Variants in OPCML observed in about 807,000 individuals in gnomAD.
The protein encoded by OPCML is opioid binding protein/cell adhesion molecule like.
OPCML carries 13 observed loss-of-function variants against 37.8 expected under a neutral mutation model. That is an observed-to-expected ratio of 0.34 (90% confidence interval 0.22 to 0.55). OPCML has a LOEUF of 0.55. OPCML is among the 20% of genes least tolerant of loss of function. The pLI, the probability that OPCML is intolerant of heterozygous loss-of-function variation, is 0.91. For missense variants in OPCML, 341 were observed against 435.6 expected, an observed-to-expected ratio of 0.78 and a Z score of 1.93; for synonymous variants, 176 against 168.8, an observed-to-expected ratio of 1.04 and a Z score of -0.33.
rs1939060647 is a variant in OPCML at position 133,206,338 on chromosome 11, C to A, written c.62-263328G>T. ...TCTTTCTTAGAGACATTGATGAGTT[C>A]AGTTCTGTATCTACTACCACGTAGC... On this transcript the variant is annotated intron_variant, in intron 1 of 7. Coordinates refer to ENST00000524381, the MANE Select transcript of OPCML (RefSeq NM_001012393.5). The surrounding 1 kb of genome is among the most constrained non-coding windows in gnomAD (Gnocchi z 4.7). 1.3e-5 allele frequency among the ~76,000 whole-genome samples: 2 copies of A among 152,178 alleles called. No individual in the cohort carries two copies. Among genetic ancestry groups the A allele is most frequent in the Admixed American group, 1.3e-4 (2 of 15,278 alleles).
At position 132,827,464 on chromosome 11, in the gene OPCML, T is replaced by A. The variant is rs145121099; in HGVS notation, c.146+115462A>T. 6.6e-3 allele frequency among the ~76,000 whole-genome samples: 999 copies of A among 152,298 alleles called. 8 individuals carry two copies. The highest frequency in any genetic ancestry group is 0.023 in the African/African-American group (945 of 41,562). On this transcript the variant is annotated intron_variant, in intron 2 of 7. Transcript: ENST00000524381. The stretch of plus-strand genomic sequence containing the variant: ...AACTCTCATTCATTGCTGATGGGAA[T>A]GCAAAATGGCACTGCCATTTTGGGA...
intron 2 of OPCML, among the ~76,000 whole-genome samples, chr11:132,700,854 T>A (rs1456714020): frequency 6.6e-6 from 1 of 152,200 alleles, no homozygotes; most frequent in Admixed American, 6.5e-5. Context: ...TCTGTCTGGA[T>A]GATCTATCTA....
intron 1 of OPCML, among the ~76,000 whole-genome samples, chr11:133,153,885 G>C (rs141124933): frequency 9.2e-5 from 14 of 152,286 alleles, no homozygotes; most frequent in African/African-American, 3.4e-4. Context: ...GAGTTCCCTT[G>C]CTGAGATGCA....
chr11:133,042,587 C>T (rs1035944295), intron 1 of OPCML, among the ~76,000 whole-genome samples: 1 of 152,196 alleles, frequency 6.6e-6, no homozygotes, highest in Admixed American at 6.5e-5. Context: ...AGTTCCCACA[C>T]TGGCTTCCTG....
intron 2 of OPCML, chr11:132,860,517 C>T (rs994900925): frequency 6.6e-6 from 1 of 152,120 alleles, no homozygotes; most frequent in Non-Finnish European, 1.5e-5. Context: ...GGCCTGTCCC[C>T]CGAAGGCCTG....
At chr11:133,169,602 G>A (rs1950260550) in intron 1 of OPCML, among the ~76,000 whole-genome samples, 1 of 152,124 alleles carries the variant, frequency 6.6e-6, no homozygotes, top group African/African-American at 2.4e-5. Flanking sequence ...GGATATAGAA[G>A]CGAAAACAAA....
intron 1 of OPCML, among the ~76,000 whole-genome samples, chr11:133,525,866 T>C (rs2120732832): frequency 6.6e-6 from 1 of 152,340 alleles, no homozygotes; most frequent in Non-Finnish European, 1.5e-5. Flanking sequence ...ATCAACGGCC[T>C]GTGTCCCACT....
chr11:133,083,224 G>C (rs555846709), intron 1 of OPCML, among the ~76,000 whole-genome samples: 233 of 152,328 alleles, frequency 1.5e-3, no homozygotes, highest in African/African-American at 5.4e-3. Flanking sequence ...CTTTCCCGCG[G>C]GTGCACTGAG....
chr11:132,471,004 G>A (rs1160380673), intron 4 of OPCML, among the ~76,000 whole-genome samples: 2 of 152,178 alleles, frequency 1.3e-5, no homozygotes, highest in Non-Finnish European at 2.9e-5. Context: ...CTTGGAGGCA[G>A]GAAAGAACCC....
At chr11:132,469,312 A>AG (rs1434714910) in intron 4 of OPCML, among the ~76,000 whole-genome samples, 1 of 152,180 alleles carries the variant, frequency 6.6e-6, no homozygotes, top group African/African-American at 2.4e-5. Context: ...CATGGAGAGA[A>AG]TTTTCGTGAG....
intron 1 of OPCML, among the ~76,000 whole-genome samples, chr11:133,188,913 G>A (rs1938195808): frequency 6.6e-6 from 1 of 152,100 alleles, no homozygotes; most frequent in African/African-American, 2.4e-5. Flanking sequence ...GTTTAGTGAT[G>A]GATTTGCATT....
chr11:132,924,097 G>A (rs1018517980), intron 2 of OPCML, among the ~76,000 whole-genome samples: 3 of 150,918 alleles, frequency 2.0e-5, no homozygotes, highest in Admixed American at 2.0e-4. Flanking sequence ...CTGCCCTCAA[G>A]AAACTAACAT....
At chr11:133,209,967 A>T (rs1284348305) in intron 1 of OPCML, among the ~76,000 whole-genome samples, 1 of 152,192 alleles carries the variant, frequency 6.6e-6, no homozygotes, top group Non-Finnish European at 1.5e-5. Flanking sequence ...AGTTGGGAAG[A>T]AAAAAATGGC....
At chr11:133,100,265 C>A (rs1429021644) in intron 1 of OPCML, among the ~76,000 whole-genome samples, 1 of 152,112 alleles carries the variant, frequency 6.6e-6, no homozygotes, top group African/African-American at 2.4e-5. Flanking sequence ...CAAGCCCCAG[C>A]AACATGCAAT....
intron 1 of OPCML, among the ~76,000 whole-genome samples, chr11:133,458,492 A>G (rs868255054): frequency 7.8e-6 from 1 of 127,796 alleles, no homozygotes; most frequent in Non-Finnish European, 1.5e-5. Context: ...ACACATATAT[A>G]CACGTGTGTG....
chr11:132,549,385 C>G (rs376536041), intron 3 of OPCML, among the ~76,000 whole-genome samples: 2 of 152,320 alleles, frequency 1.3e-5, no homozygotes, highest in East Asian at 3.9e-4. Flanking sequence ...ATAATCCACC[C>G]CTTGCTTAGC....
chr11:132,542,084 C>T (rs79539458), intron 3 of OPCML, among the ~76,000 whole-genome samples: 5,008 of 152,242 alleles, frequency 0.033, 293 homozygotes, highest in African/African-American at 0.11. Context: ...ATGATCAGTG[C>T]GGAGTGTGAG....
At chr11:132,446,488 C>G (rs1354515365) in intron 4 of OPCML, among the ~76,000 whole-genome samples, 1 of 151,922 alleles carries the variant, frequency 6.6e-6, no homozygotes, top group Non-Finnish European at 1.5e-5. Flanking sequence ...CATTTTTATT[C>G]TAAAAAGTAT....
At chr11:132,591,189 T>C (rs1470692571) in intron 3 of OPCML, among the ~76,000 whole-genome samples, 1 of 152,116 alleles carries the variant, frequency 6.6e-6, no homozygotes, top group Non-Finnish European at 1.5e-5. Flanking sequence ...CGCCCCCCTT[T>C]GGAGTTGCTG....
Sources: gnomAD v4.1 joint callset for allele counts (sites outside exome capture counted in the v4.1 genomes callset) on GRCh38, gnomAD v4.1.1 for gene constraint, Gnocchi (gnomAD v3.1) non-coding constraint, MANE v1.5 for transcripts, NCBI Gene and HGNC (gene_info 2026-07-23, HGNC 2026-07-21) for gene names.